The following TFDP2 variants were observed in gnomAD, a reference collection of about 807,000 sequenced individuals.
The protein encoded by TFDP2 is transcription factor Dp-2 (E2F dimerization partner 2).
In TFDP2, 17 loss-of-function variants were observed where a neutral mutation model predicts 59.3. The observed-to-expected ratio is 0.29, with a 90% CI of 0.20 to 0.43. The LOEUF is 0.43. Among genes scored for constraint, TFDP2 ranks in the 20% least tolerant of loss-of-function variants. The pLI, the probability that TFDP2 is intolerant of heterozygous loss-of-function variation, is 1.00. For synonymous variants in TFDP2, 180 were observed against 194.7 expected, an observed-to-expected ratio of 0.92 and a Z score of 0.63; for missense variants, 391 against 528.8, an observed-to-expected ratio of 0.74 and a Z score of 2.56.
At chr3:142,125,064 A>G (rs1482513693) in intron 1 of TFDP2, among the ~76,000 whole-genome samples, 2 of 151,974 alleles carry the variant, frequency 1.3e-5, no homozygotes, top group Non-Finnish European at 1.5e-5. Context: ...AAATTAGCCA[A>G]TCGTGGTGGC....
intron 6 of TFDP2, among the ~76,000 whole-genome samples, chr3:141,979,781 G>T (rs1423474174): frequency 6.6e-6 from 1 of 152,100 alleles, no homozygotes; most frequent in South Asian, 2.1e-4. Context: ...TAGAGACGGG[G>T]TTTCATCATG....
At position 141,953,181 on chromosome 3, in the gene TFDP2, A is replaced by G. The variant is rs958683466; in HGVS notation, c.1052-165T>C. ...AACCCAGGTTTCTTCATCTTCTTGG[A>G]AGAAAAAAAAATTTCTAGAACATAA... On this transcript the variant is annotated intron_variant, in intron 11 of 12. Transcript: ENST00000489671. Among the ~76,000 whole-genome samples, 6 of 152,142 alleles carry G rather than the reference A, an allele frequency of 3.9e-5. No homozygotes were observed. The East Asian group carries it at 5.8e-4, about 15-fold the overall frequency.
intron 9 of TFDP2, among the ~76,000 whole-genome samples, chr3:141,967,075 C>T (rs1938204370): frequency 6.6e-6 from 1 of 151,736 alleles, no homozygotes; most frequent in Non-Finnish European, 1.5e-5. Flanking sequence ...CACCACCATG[C>T]CTGGCTAATT....
At chr3:141,988,709 G>A (rs1362486724) in intron 6 of TFDP2, among the ~76,000 whole-genome samples, 7 of 128,248 alleles carry the variant, frequency 5.5e-5, no homozygotes, top group East Asian at 2.3e-4. Flanking sequence ...TCACTCTGTC[G>A]TCAGGCTGGA....
chr3:142,078,233 G>A (rs1003051845), intron 3 of TFDP2, among the ~76,000 whole-genome samples: 5 of 152,118 alleles, frequency 3.3e-5, no homozygotes, highest in Non-Finnish European at 5.9e-5. Context: ...CTCTCAACCC[G>A]CATGGGGCCC....
intron 1 of TFDP2, among the ~76,000 whole-genome samples, chr3:142,131,488 G>A (rs1464454888): frequency 6.7e-6 from 1 of 149,976 alleles, no homozygotes; most frequent in East Asian, 1.9e-4. Context: ...CCCAAAATGC[G>A]AGAGTACACC....
At chr3:141,968,115 G>C (rs1938418541) in intron 9 of TFDP2, among the ~76,000 whole-genome samples, 1 of 151,078 alleles carries the variant, frequency 6.6e-6, no homozygotes. Context: ...GAAGAAGATG[G>C]CAGCACAGGA....
At chr3:142,133,135 GC>G (rs2062579260) in intron 1 of TFDP2, among the ~76,000 whole-genome samples, 1 of 150,252 alleles carries the variant, frequency 6.7e-6, no homozygotes, top group Admixed American at 6.6e-5. Context: ...TGGCACAGGT[GC>G]ATGAATAGAC....
intron 3 of TFDP2, among the ~76,000 whole-genome samples, chr3:142,010,864 G>C (rs2108294659): frequency 7.5e-6 from 1 of 133,512 alleles, no homozygotes; most frequent in East Asian, 2.2e-4. Context: ...GGCCATCAGA[G>C]AAATGCAAAT....
chr3:141,995,883 CAAAAAAAAAAA>C lies in TFDP2; in HGVS notation c.187-753_187-743del, dbSNP rs146557075. Among the ~76,000 whole-genome samples, 30 of 67,948 alleles carry C rather than the reference CAAAAAAAAAAA, an allele frequency of 4.4e-4. No individual in the cohort carries two copies. In the East Asian group the frequency reaches 5.2e-3, roughly 12 times the overall value. The allele number at this position is 67,948 out of a possible 152,430, so 44.6% of individuals were successfully genotyped here. The stretch of plus-strand genomic sequence containing the variant: ...GGGCAAAAAGAGCAAAACTCCATTT[CAAAAAAAAAAA>C]AAAAAAAAAAAAAGAGTATTCATGT... On this transcript the variant is annotated intron_variant, in intron 4 of 12. Coordinates refer to ENST00000489671, the MANE Select transcript of TFDP2 (RefSeq NM_001178139.2).
intron 1 of TFDP2, among the ~76,000 whole-genome samples, chr3:142,126,872 G>GA (rs1162730711): frequency 2.0e-5 from 3 of 150,764 alleles, no homozygotes; most frequent in African/African-American, 4.9e-5. Context: ...CTTGAACCCG[G>GA]AAGGCGGAGG....
chr3:142,076,751 T>C (rs2060471514), intron 3 of TFDP2, among the ~76,000 whole-genome samples: 1 of 152,184 alleles, frequency 6.6e-6, no homozygotes, highest in Admixed American at 6.5e-5. Context: ...CACAAAATGT[T>C]TCTCAAACTT....
At chr3:142,029,593 C>T (rs908392130) in intron 3 of TFDP2, among the ~76,000 whole-genome samples, 2 of 151,988 alleles carry the variant, frequency 1.3e-5, no homozygotes, top group African/African-American at 2.4e-5. Flanking sequence ...ATCAGATAAC[C>T]ATATGACTGT....
At chr3:142,057,725 T>A (rs2059789588) in intron 3 of TFDP2, among the ~76,000 whole-genome samples, 1 of 152,218 alleles carries the variant, frequency 6.6e-6, no homozygotes, top group African/African-American at 2.4e-5. Flanking sequence ...AGACTTTATT[T>A]CCCTAATAAT....
chr3:142,064,717 G>A lies in TFDP2; in HGVS notation c.82+28344C>T, dbSNP rs150521114. 7.9e-3 allele frequency among the ~76,000 whole-genome samples: 1,201 copies of A among 152,176 alleles called. 13 individuals are homozygous for A. The highest frequency in any genetic ancestry group is 0.026 in the African/African-American group (1,079 of 41,502). ...CAAGTGTCACTGGATGTTATCCAAT[G>A]TAAAACAACGTCACTGAAAAAAGGG... On this transcript the variant is annotated intron_variant, in intron 3 of 12. Transcript: ENST00000489671.
Position 142,101,795 on chromosome 3 carries a change from TA to T in TFDP2, c.-47del. 8.3e-7 allele frequency: 1 copy of T among 1,206,576 alleles called. No homozygotes were observed. Among genetic ancestry groups the T allele is most frequent in the East Asian group, 2.7e-5 (1 of 37,654 alleles). The allele number at this position is 1,206,576 out of a possible 1,614,324, so 74.7% of individuals were successfully genotyped here. ...AGATTCTGTAAAGCCATTAAAAAAATAAAAAGAAAAAAACCTTCGTCTTCAA... is the reference window on the plus strand; with the variant it reads ...AGATTCTGTAAAGCCATTAAAAAAATAAAAGAAAAAAACCTTCGTCTTCAA... On this transcript the variant is annotated 5_prime_UTR_variant, in exon 2 of 13. Transcript: ENST00000489671.
chr3:141,970,860 G>A lies in TFDP2; in HGVS notation c.664-719C>T, dbSNP rs138723622. On this transcript the variant is annotated intron_variant, in intron 8 of 12. Coordinates refer to ENST00000489671, the MANE Select transcript of TFDP2 (RefSeq NM_001178139.2). ...GAGAATCACTTGAGATCAGGAGTTT[G>A]AGACCAGTCTGGCCAACATGGCGAA... 1.5e-3 allele frequency among the ~76,000 whole-genome samples: 222 copies of A among 152,132 alleles called. 2 individuals carry two copies. The highest frequency in any genetic ancestry group is 5.2e-3 in the African/African-American group (214 of 41,516).
chr3:142,087,503 CTTT>C (rs377083897), intron 3 of TFDP2, among the ~76,000 whole-genome samples: 10 of 141,960 alleles, frequency 7.0e-5, no homozygotes, highest in African/African-American at 7.7e-5. Context: ...TACTTCTTTT[CTTT>C]TTTTTTTTTT....
chr3:141,963,687 T>C lies in TFDP2; in HGVS notation c.884+125A>G, dbSNP rs988345323. ...CACCCATGGTTCAGGAGGTGTTTCATGTGCCCCAAGGAAGCCAGCCTTTGA... is the reference window on the plus strand; with the variant it reads ...CACCCATGGTTCAGGAGGTGTTTCACGTGCCCCAAGGAAGCCAGCCTTTGA... On this transcript the variant is annotated intron_variant, in intron 10 of 12. Coordinates refer to ENST00000489671, the MANE Select transcript of TFDP2 (RefSeq NM_001178139.2). 5.4e-6 allele frequency: 6 copies of C among 1,111,198 alleles called. No individual in the cohort carries two copies. In the African/African-American group the frequency reaches 6.3e-5, roughly 12 times the overall value. 68.8% of individuals were successfully genotyped at this position (1,111,198 alleles called of 1,614,324 possible). A position where few individuals can be genotyped will look rare whatever the true frequency, so the allele number is the denominator to read the frequency against.
Sources: allele counts gnomAD v4.1 joint callset (sites outside exome capture counted in the v4.1 genomes callset), GRCh38; gene constraint gnomAD v4.1.1; transcripts MANE v1.5; gene names NCBI Gene and HGNC (gene_info 2026-07-23, HGNC 2026-07-21).